Variants in CCBE1 observed in about 807,000 individuals in gnomAD.
CCBE1 encodes collagen and calcium-binding EGF domain-containing protein 1.
Under a neutral mutation model 50.0 loss-of-function variants are expected in CCBE1, and 37 were observed. The ratio of observed to expected loss-of-function variants is 0.74; its 90% CI spans 0.57 to 0.97. The LOEUF is 0.97. Among genes scored for constraint, CCBE1 ranks in the 50% least tolerant of loss-of-function variants. The pLI, the probability that CCBE1 is intolerant of heterozygous loss-of-function variation, is 0.00. For synonymous variants in CCBE1, 234 were observed against 203.7 expected (o/e 1.15, Z -1.27); for missense variants, 538 against 523.8 (o/e 1.03, Z -0.26).
chr18:59,442,236 G>A (rs1416360285), intron 7 of CCBE1, among the ~76,000 whole-genome samples: 2 of 152,094 alleles, frequency 1.3e-5, no homozygotes, highest in Non-Finnish European at 2.9e-5. Flanking sequence ...TGTCGATACA[G>A]GCTTCTGAAA....
intron 2 of CCBE1, among the ~76,000 whole-genome samples, chr18:59,618,921 A>T (rs2053674533): frequency 6.6e-6 from 1 of 152,190 alleles, no homozygotes; most frequent in Non-Finnish European, 1.5e-5. Context: ...TGGAGAGAGA[A>T]TATCTGCTAC....
intron 2 of CCBE1, among the ~76,000 whole-genome samples, chr18:59,641,908 G>A (rs1360870369): frequency 4.6e-5 from 7 of 152,236 alleles, no homozygotes; most frequent in Middle Eastern, 3.4e-3. Context: ...GGAAGAAAAC[G>A]CAGCTGGATT....
intron 2 of CCBE1, among the ~76,000 whole-genome samples, chr18:59,651,862 T>A (rs904535123): frequency 6.6e-6 from 1 of 152,250 alleles, no homozygotes; most frequent in Non-Finnish European, 1.5e-5. Context: ...TTTACACATA[T>A]ACAGTGTGTA....
rs370532087 is a variant in CCBE1, at chr18:59,433,756, C to G, written c.*2152G>C. 1 of 152,020 alleles carries G rather than the reference C, an allele frequency of 6.6e-6. No homozygotes were observed. The highest frequency in any genetic ancestry group is 6.6e-5 in the Admixed American group (1 of 15,254). 9.4% of individuals were successfully genotyped at this position (152,020 alleles called of 1,614,324 possible). A position where few individuals can be genotyped will look rare whatever the true frequency, so the allele number is the denominator to read the frequency against. ...AGCAGCTGGGACCACAGGCGCCCAC[C>G]ACCACGCCCGACTAATTTTTTGTGT... On this transcript the variant is annotated 3_prime_UTR_variant, in exon 11 of 11. Coordinates refer to ENST00000439986, the MANE Select transcript of CCBE1 (RefSeq NM_133459.4).
intron 2 of CCBE1, among the ~76,000 whole-genome samples, chr18:59,492,414 C>T (rs1041170278): frequency 1.3e-5 from 2 of 152,072 alleles, no homozygotes; most frequent in African/African-American, 4.8e-5. Context: ...CATTTCCCAG[C>T]CTCTCATCCC....
intron 2 of CCBE1, among the ~76,000 whole-genome samples, chr18:59,509,995 A>G (rs1914062880): frequency 6.6e-6 from 1 of 152,202 alleles, no homozygotes; most frequent in African/African-American, 2.4e-5. Flanking sequence ...AGCCAGCCAA[A>G]AAAACATCAC....
chr18:59,632,735 G>A (rs2053865370), intron 2 of CCBE1, among the ~76,000 whole-genome samples: 1 of 151,520 alleles, frequency 6.6e-6, no homozygotes, highest in South Asian at 2.1e-4. Context: ...GATTACAGGT[G>A]CACACCACCA....
chr18:59,607,630 G>A (rs1311519451), intron 2 of CCBE1, among the ~76,000 whole-genome samples: 1 of 152,154 alleles, frequency 6.6e-6, no homozygotes, highest in African/African-American at 2.4e-5. Flanking sequence ...CTCAGATGCT[G>A]TCCTAGGGCA....
chr18:59,642,570 C>T (rs1041002092), intron 2 of CCBE1, among the ~76,000 whole-genome samples: 1 of 152,116 alleles, frequency 6.6e-6, no homozygotes, highest in Admixed American at 6.5e-5. Context: ...AAGAACAATC[C>T]AAATGTCTAT....
intron 2 of CCBE1, among the ~76,000 whole-genome samples, chr18:59,495,545 AG>A: frequency 6.6e-6 from 1 of 151,634 alleles, no homozygotes; most frequent in Middle Eastern, 3.4e-3. Context: ...TACTGTGCCC[AG>A]TTAGGCCACG....
intron 2 of CCBE1, among the ~76,000 whole-genome samples, chr18:59,537,666 A>G (rs982198191): frequency 2.6e-5 from 4 of 152,186 alleles, no homozygotes; most frequent in African/African-American, 4.8e-5. Context: ...GGACTAATAC[A>G]GTGGCTGACA....
chr18:59,627,824 T>C (rs1395752285), intron 2 of CCBE1, among the ~76,000 whole-genome samples: 1 of 152,220 alleles, frequency 6.6e-6, no homozygotes, highest in Non-Finnish European at 1.5e-5. Context: ...ACATTTCTGT[T>C]TTTTTAAGAC....
intron 2 of CCBE1, among the ~76,000 whole-genome samples, chr18:59,683,069 TA>T (rs1445359812): frequency 6.6e-6 from 1 of 152,230 alleles, no homozygotes; most frequent in Non-Finnish European, 1.5e-5. Flanking sequence ...AAGTGATATA[TA>T]TTTTCATATA....
intron 4 of CCBE1, among the ~76,000 whole-genome samples, chr18:59,468,002 G>A (rs901046450): frequency 3.3e-5 from 5 of 152,190 alleles, no homozygotes; most frequent in Non-Finnish European, 7.4e-5. Context: ...TGCCTGTACT[G>A]CCCAGAGAGA....
intron 2 of CCBE1, among the ~76,000 whole-genome samples, chr18:59,536,156 T>G (rs1915239755): frequency 6.6e-6 from 1 of 152,252 alleles, no homozygotes; most frequent in Non-Finnish European, 1.5e-5. Context: ...TCTAGAGAGA[T>G]AGGAATCTCA....
At chr18:59,494,705 A>C (rs2143817419) in intron 2 of CCBE1, among the ~76,000 whole-genome samples, 1 of 152,330 alleles carries the variant, frequency 6.6e-6, no homozygotes, top group Middle Eastern at 3.4e-3. Flanking sequence ...AAAGATTTTT[A>C]CAGCACAGAG....
intron 2 of CCBE1, among the ~76,000 whole-genome samples, chr18:59,503,140 G>A (rs1397352951): frequency 6.6e-6 from 1 of 152,186 alleles, no homozygotes; most frequent in African/African-American, 2.4e-5. Flanking sequence ...TGTGACATGA[G>A]GACAGCTGGA....
intron 2 of CCBE1, among the ~76,000 whole-genome samples, chr18:59,683,438 G>T (rs916473152): frequency 2.4e-4 from 36 of 152,200 alleles, no homozygotes; most frequent in African/African-American, 8.7e-4. Flanking sequence ...GCTCACGCCT[G>T]TAATCCCAGC....
At chr18:59,464,385 A>T (rs749934967) in intron 5 of CCBE1, among the ~76,000 whole-genome samples, 2 of 152,166 alleles carry the variant, frequency 1.3e-5, no homozygotes, top group Non-Finnish European at 2.9e-5. Context: ...CTGAGATTGC[A>T]CCACTGCACT....
Sources: gnomAD v4.1 joint callset for allele counts (sites outside exome capture counted in the v4.1 genomes callset) on GRCh38, gnomAD v4.1.1 for gene constraint, MANE v1.5 for transcripts, NCBI Gene and HGNC (gene_info 2026-07-23, HGNC 2026-07-21) for gene names.